Variants in ATP8A1 observed in about 807,000 individuals in gnomAD.
ATP8A1 encodes phospholipid-transporting ATPase IA.
A neutral mutation model predicts 177.7 loss-of-function variants in ATP8A1; 90 were observed. The ratio of observed to expected loss-of-function variants is 0.51; its 90% CI spans 0.43 to 0.60. The LOEUF (loss-of-function observed/expected upper bound fraction) is 0.60, where lower values mean the gene tolerates loss of function less well. Among genes scored for constraint, ATP8A1 ranks in the 20% least tolerant of loss-of-function variants. ATP8A1 has a pLI of 0.00. For synonymous variants in ATP8A1, 493 were observed against 485.9 expected, an observed-to-expected ratio of 1.01 and a Z score of -0.19; for missense variants, 1,072 against 1,392.8, an observed-to-expected ratio of 0.77 and a Z score of 3.67.
chr4:42,589,730 T>G (rs1355618365), intron 7 of ATP8A1, among the ~76,000 whole-genome samples: 3 of 152,184 alleles, frequency 2.0e-5, no homozygotes, highest in Non-Finnish European at 4.4e-5. Context: ...ATGTATACAT[T>G]TGAAACATAG....
At chr4:42,621,833 C>T (rs2345653) in intron 4 of ATP8A1, among the ~76,000 whole-genome samples, 117,511 of 152,072 alleles carry the variant, frequency 0.77, 45,625 homozygotes, top group Non-Finnish European at 0.82. Context: ...CTTCAAACTA[C>T]ACTACAGGGC....
intron 1 of ATP8A1, among the ~76,000 whole-genome samples, chr4:42,636,148 A>ACGCGCGTGCGCG (rs767029159): frequency 3.5e-4 from 11 of 31,870 alleles, no homozygotes; most frequent in African/African-American, 7.6e-4. Flanking sequence ...ACACACACAC[A>ACGCGCGTGCGCG]CACACACACG....
At chr4:42,424,375 TAAAAG>T (rs1178597039) in intron 33 of ATP8A1, among the ~76,000 whole-genome samples, 3 of 152,056 alleles carry the variant, frequency 2.0e-5, no homozygotes, top group South Asian at 2.1e-4. Context: ...ACACAGAACT[TAAAAG>T]GAATAGTATT....
At chr4:42,606,568 C>G (rs1735816837) in intron 5 of ATP8A1, among the ~76,000 whole-genome samples, 1 of 152,192 alleles carries the variant, frequency 6.6e-6, no homozygotes, top group Non-Finnish European at 1.5e-5. Flanking sequence ...TTATAAATCA[C>G]CAGCTAGTCC....
chr4:42,592,892 G>T (rs1455609569), intron 6 of ATP8A1, among the ~76,000 whole-genome samples: 1 of 152,056 alleles, frequency 6.6e-6, no homozygotes, highest in Non-Finnish European at 1.5e-5. Flanking sequence ...TTTCGTAATT[G>T]ACCAAAATGT....
At chr4:42,594,322 T>C (rs764214218) in intron 6 of ATP8A1, 12 of 1,604,464 alleles carry the variant, frequency 7.5e-6, no homozygotes, top group African/African-American at 2.7e-5. Flanking sequence ...AGCAGGTATA[T>C]ACTCTTTGCC....
At chr4:42,423,578 C>G (rs1714240166) in intron 34 of ATP8A1, 39 bp downstream of exon 34, 2 of 1,360,644 alleles carry the variant, frequency 1.5e-6, no homozygotes, top group Non-Finnish European at 2.1e-6. Context: ...GATGAATATG[C>G]ATCTATATTT....
chr4:42,452,794 G>A (rs1465994256), intron 29 of ATP8A1, among the ~76,000 whole-genome samples: 1 of 152,144 alleles, frequency 6.6e-6, no homozygotes, highest in Admixed American at 6.5e-5. Flanking sequence ...AATTCTTATG[G>A]CCCCTCTGAA....
At chr4:42,574,849 G>A in intron 13 of ATP8A1, 142 bp from the exon 14 acceptor site, 1 of 592,944 alleles carries the variant, frequency 1.7e-6, no homozygotes, top group Non-Finnish European at 2.9e-6. Context: ...ATTTATCAAG[G>A]AATATATTCA....
At chr4:42,633,227 A>C (rs1738930502) in intron 1 of ATP8A1, among the ~76,000 whole-genome samples, 1 of 152,216 alleles carries the variant, frequency 6.6e-6, no homozygotes, top group African/African-American at 2.4e-5. Context: ...GAATGACGAC[A>C]CAGAGTCTTC....
rs375022201 is a variant in ATP8A1, at chr4:42,521,180, T to C, written c.1947+980A>G. Among the ~76,000 whole-genome samples, 37 of 152,338 alleles carry C rather than the reference T, an allele frequency of 2.4e-4. 1 individual carries two copies. The South Asian group carries it at 3.5e-3, about 15-fold the overall frequency. On this transcript the variant is annotated intron_variant, in intron 22 of 36. Coordinates refer to ENST00000381668, the MANE Select transcript of ATP8A1 (RefSeq NM_006095.2). ...CAGCGGACAGGCTAGTTTGATTCTATGCAATACAAACATGAGTGCTATTGA... is the reference window on the plus strand; with the variant it reads ...CAGCGGACAGGCTAGTTTGATTCTACGCAATACAAACATGAGTGCTATTGA...
intron 36 of ATP8A1, among the ~76,000 whole-genome samples, chr4:42,413,716 T>A (rs1712891884): frequency 6.6e-6 from 1 of 152,222 alleles, no homozygotes; most frequent in Admixed American, 6.5e-5. Context: ...TGTGAATTTT[T>A]TTTTCCCCCT....
chr4:42,630,922 T>C (rs187509057), intron 1 of ATP8A1, among the ~76,000 whole-genome samples: 6 of 152,364 alleles, frequency 3.9e-5, no homozygotes, highest in Admixed American at 1.3e-4. Flanking sequence ...CCTGGAATAG[T>C]TGGTAGTAAA....
intron 20 of ATP8A1, among the ~76,000 whole-genome samples, chr4:42,531,827 A>C (rs1289366824): frequency 6.6e-6 from 1 of 152,176 alleles, no homozygotes; most frequent in Non-Finnish European, 1.5e-5. Context: ...TAAAAAACAT[A>C]AAATACCAGG....
intron 35 of ATP8A1, among the ~76,000 whole-genome samples, chr4:42,422,542 A>T (rs1371450334): frequency 6.6e-6 from 1 of 152,098 alleles, no homozygotes; most frequent in African/African-American, 2.4e-5. Flanking sequence ...ACTTCATTCA[A>T]CTCTTACAAC....
chr4:42,534,929 G>C (rs1053776190), intron 20 of ATP8A1, among the ~76,000 whole-genome samples: 4 of 152,156 alleles, frequency 2.6e-5, no homozygotes, highest in African/African-American at 9.6e-5. Flanking sequence ...ATGAAGGAAA[G>C]ATACAGTCTT....
chr4:42,440,084 A>G (rs1438585130), intron 33 of ATP8A1, among the ~76,000 whole-genome samples: 1 of 152,198 alleles, frequency 6.6e-6, no homozygotes, highest in Admixed American at 6.5e-5. Flanking sequence ...CATGGCAAAC[A>G]CAACGGAGTC....
At chr4:42,514,744 C>G (rs781696199) in intron 22 of ATP8A1, among the ~76,000 whole-genome samples, 1 of 152,124 alleles carries the variant, frequency 6.6e-6, no homozygotes, top group Non-Finnish European at 1.5e-5. Context: ...GGAATTAAGA[C>G]AGAACAGGGA....
rs1304419949 is a variant in ATP8A1, at chr4:42,555,130, TATCTATCTA to T, written c.1413+829_1413+837del. On this transcript the variant is annotated intron_variant, in intron 16 of 36. Transcript: ENST00000381668. ...CTATCTATCTATCTATCTATCTATC[TATCTATCTA>T]ATCTATCTATCTATCTATCTATCTA... is the stretch of plus-strand genomic sequence containing the variant. Among the ~76,000 whole-genome samples, 813 of 82,318 alleles carry T rather than the reference TATCTATCTA, an allele frequency of 9.9e-3. 5 individuals carry two copies. Among genetic ancestry groups the T allele is most frequent in the Admixed American group, 0.014 (112 of 8,226 alleles). 54.0% of individuals were successfully genotyped at this position (82,318 alleles called of 152,430 possible).
Sources: gnomAD v4.1 joint callset for allele counts (sites outside exome capture counted in the v4.1 genomes callset) on GRCh38, gnomAD v4.1.1 for gene constraint, MANE v1.5 for transcripts, NCBI Gene and HGNC (gene_info 2026-07-23, HGNC 2026-07-21) for gene names.